The following ALMS1 variants were observed in gnomAD, a reference collection of about 807,000 sequenced individuals.
ALMS1 encodes the protein centrosome-associated protein ALMS1.
ALMS1 carries 271 observed loss-of-function variants against 352.2 expected under a neutral mutation model. That is an observed-to-expected ratio of 0.77 (90% CI 0.70 to 0.85). The LOEUF is 0.85. ALMS1 is among the 40% of genes least tolerant of loss of function. The pLI, the probability that ALMS1 is intolerant of heterozygous loss-of-function variation, is 0.00. For missense variants in ALMS1, 5,445 were observed against 4,870.7 expected (o/e 1.12, Z -3.51); for synonymous variants, 1,865 against 1,761.2 (o/e 1.06, Z -1.48).
At chr2:73,543,719 C>A (rs1172544231) in intron 12 of ALMS1, among the ~76,000 whole-genome samples, 1 of 152,176 alleles carries the variant, frequency 6.6e-6, no homozygotes, top group Non-Finnish European at 1.5e-5. Flanking sequence ...TATGAACAGA[C>A]ACTTCTCAAA....
Position 73,572,994 on chromosome 2 carries a change from C to G in ALMS1, c.11117C>G (p.Ser3706Cys), listed in dbSNP as rs533965968. The G allele has an allele frequency of 6.7e-4, 1,074 of 1,614,032 alleles. 23 individuals are homozygous for G. In the South Asian group the frequency reaches 0.011, roughly 17 times the overall value. ...KVLSHHRAGR[S>C]NQIKIEQIKF... ...CTTTCTCATCATCGAGCTGGGAGGT[C>G]TAATCAAATTAAAATTGAACAGATT... The change falls in exon 16 of 23, where the codon TCT becomes TGT. Residue 3706 changes from serine to cysteine, a missense_variant. Ser to Cys is a moderately radical substitution (Grantham distance 112). Coordinates refer to ENST00000613296, the MANE Select transcript of ALMS1 (RefSeq NM_001378454.1).
intron 2 of ALMS1, among the ~76,000 whole-genome samples, chr2:73,414,237 G>A (rs1172973092): frequency 6.6e-6 from 1 of 151,794 alleles, no homozygotes; most frequent in East Asian, 1.9e-4. Context: ...AATCTTACAC[G>A]TTTTGTTAGA....
chr2:73,487,943 A>G (rs1023820381), intron 9 of ALMS1, among the ~76,000 whole-genome samples: 2 of 152,112 alleles, frequency 1.3e-5, no homozygotes, highest in African/African-American at 2.4e-5. Flanking sequence ...AGGTCATTCC[A>G]TTGTCTCTCC....
intron 12 of ALMS1, among the ~76,000 whole-genome samples, chr2:73,540,881 T>G (rs935532321): frequency 5.3e-5 from 8 of 152,182 alleles, no homozygotes; most frequent in African/African-American, 1.9e-4. Flanking sequence ...AAGCAAGTCC[T>G]TAGAGACCTA....
At chr2:73,390,936 A>G (rs1029752606) in intron 1 of ALMS1, among the ~76,000 whole-genome samples, 2 of 151,918 alleles carry the variant, frequency 1.3e-5, no homozygotes, top group African/African-American at 4.8e-5. Context: ...ATGCCCAGCT[A>G]ATTTTTGTAT....
rs776401197 is a variant in ALMS1, at chr2:73,608,504, AAAAG to A, written c.12394_12397del (p.Lys4132GlufsTer24). The A allele has an allele frequency of 1.2e-6, 2 of 1,614,012 alleles. No homozygotes were observed. Among genetic ancestry groups the A allele is most frequent in the Non-Finnish European group, 1.7e-6 (2 of 1,179,922 alleles). ...TATGAGCAGCTTCCAGAAGTACAGA[AAAAG>A]AGAGAAGAAGAGAAGAGAAAATCAG... On this transcript the variant is annotated frameshift_variant, in exon 22 of 23. Coordinates refer to ENST00000613296, the MANE Select transcript of ALMS1 (RefSeq NM_001378454.1). LOFTEE classifies it high-confidence loss of function.
chr2:73,432,052 CTCT>C, intron 6 of ALMS1, 143 bp from the exon 7 acceptor site: 1 of 640,036 alleles, frequency 1.6e-6, no homozygotes, highest in Non-Finnish European at 2.8e-6. Flanking sequence ...CTTAGTGTTC[CTCT>C]TTGTAAAAAT....
At chr2:73,553,350 A>G (rs1674476943) in intron 13 of ALMS1, among the ~76,000 whole-genome samples, 1 of 152,224 alleles carries the variant, frequency 6.6e-6, no homozygotes, top group Non-Finnish European at 1.5e-5. Flanking sequence ...GAGGGGGCCA[A>G]CACAGGAAAT....
At chr2:73,484,882 C>T (rs1277741551) in intron 9 of ALMS1, among the ~76,000 whole-genome samples, 2 of 152,214 alleles carry the variant, frequency 1.3e-5, no homozygotes, top group Non-Finnish European at 2.9e-5. Context: ...CTTGAGGCTT[C>T]TGCATTCTTC....
intron 11 of ALMS1, among the ~76,000 whole-genome samples, chr2:73,530,423 G>T (rs1018970412): frequency 6.6e-6 from 1 of 152,194 alleles, no homozygotes; most frequent in Non-Finnish European, 1.5e-5. Flanking sequence ...TACATCCAGG[G>T]CATGCTGATG....
intron 10 of ALMS1, among the ~76,000 whole-genome samples, chr2:73,514,869 C>T (rs1273384879): frequency 1.3e-5 from 2 of 152,116 alleles, no homozygotes; most frequent in African/African-American, 2.4e-5. Context: ...GGCCAAGTGT[C>T]GTTCTTATTT....
chr2:73,458,055 G>C (rs1302106426), intron 9 of ALMS1: 1 of 60,864 alleles, frequency 1.6e-5, no homozygotes, highest in South Asian at 5.5e-4. Flanking sequence ...AAAAAAAAAG[G>C]TCTAAAACTT....
At chr2:73,489,192 G>A (rs1346740605) in intron 9 of ALMS1, among the ~76,000 whole-genome samples, 2 of 152,184 alleles carry the variant, frequency 1.3e-5, no homozygotes, top group African/African-American at 4.8e-5. Flanking sequence ...TTAAGGACAG[G>A]AAGCAGAAGT....
intron 1 of ALMS1, among the ~76,000 whole-genome samples, chr2:73,392,270 G>A (rs2103633806): frequency 6.8e-6 from 1 of 146,926 alleles, no homozygotes; most frequent in Admixed American, 7.8e-5. Flanking sequence ...ATGTGTGTGT[G>A]TGTGTGTGTG....
chr2:73,467,466 A>C (rs145007785), intron 9 of ALMS1, among the ~76,000 whole-genome samples: 1 of 152,220 alleles, frequency 6.6e-6, no homozygotes, highest in African/African-American at 2.4e-5. Flanking sequence ...AATATTGGTA[A>C]AGTTATGAAG....
chr2:73,518,632 ATTTTGACT>A (rs146540053), intron 10 of ALMS1, among the ~76,000 whole-genome samples: 1,701 of 152,218 alleles, frequency 0.011, 32 homozygotes, highest in African/African-American at 0.038. Flanking sequence ...CATCTGTTAT[ATTTTGACT>A]TTTTTATAAC....
At chr2:73,542,439 A>T (rs1185899649) in intron 12 of ALMS1, among the ~76,000 whole-genome samples, 3 of 150,550 alleles carry the variant, frequency 2.0e-5, no homozygotes, top group Non-Finnish European at 4.5e-5. Context: ...AACTGGAAGC[A>T]TTGAAAACTG....
chr2:73,502,540 C>T (rs1319855510), intron 10 of ALMS1, among the ~76,000 whole-genome samples: 1 of 152,018 alleles, frequency 6.6e-6, no homozygotes, highest in Non-Finnish European at 1.5e-5. Flanking sequence ...TTTAATATTA[C>T]CTGTAGATTT....
chr2:73,454,773 A>G (rs530201845), intron 8 of ALMS1, among the ~76,000 whole-genome samples: 4 of 152,314 alleles, frequency 2.6e-5, no homozygotes, highest in African/African-American at 9.6e-5. Flanking sequence ...TGTTCCCTGC[A>G]CATTTTTATT....
Sources: gnomAD v4.1 joint callset for allele counts (sites outside exome capture counted in the v4.1 genomes callset) on GRCh38, gnomAD v4.1.1 for gene constraint, MANE v1.5 for transcripts, NCBI Gene and HGNC (gene_info 2026-07-23, HGNC 2026-07-21) for gene names.